Variants in MMP26 observed in about 807,000 individuals in gnomAD.
MMP26 encodes matrix metallopeptidase 26, also known as matrix metalloproteinase-26.
A neutral mutation model predicts 31.0 loss-of-function variants in MMP26; 33 were observed. The observed-to-expected ratio is 1.06, with a 90% CI of 0.81 to 1.42. MMP26 has a LOEUF of 1.42. Among genes scored for constraint, MMP26 ranks in the 40% most tolerant of loss-of-function variants. MMP26 has a pLI of 0.00. For missense variants in MMP26, 347 were observed against 316.1 expected, an observed-to-expected ratio of 1.10 and a Z score of -0.74; for synonymous variants, 122 against 114.9, an observed-to-expected ratio of 1.06 and a Z score of -0.40.
chr11:4,712,857 T>C (rs1847879471), intron 1 of MMP26, among the ~76,000 whole-genome samples: 1 of 152,026 alleles, frequency 6.6e-6, no homozygotes, highest in Non-Finnish European at 1.5e-5. Flanking sequence ...CCCTACTATC[T>C]ATGTTACACT....
intron 2 of MMP26, among the ~76,000 whole-genome samples, chr11:4,986,243 A>G (rs1846884820): frequency 6.6e-6 from 1 of 152,178 alleles, no homozygotes; most frequent in South Asian, 2.1e-4. Flanking sequence ...ATTTTAATCT[A>G]TACCAAAGGT....
At chr11:4,855,183 T>C (rs1157136146) in intron 2 of MMP26, among the ~76,000 whole-genome samples, 2 of 152,090 alleles carry the variant, frequency 1.3e-5, no homozygotes, top group East Asian at 3.9e-4. Context: ...ACACAGCTCC[T>C]CACCAGCAGT....
chr11:4,723,280 C>A, intron 1 of MMP26: 2 of 1,041,812 alleles, frequency 1.9e-6, no homozygotes, highest in South Asian at 1.3e-5. Flanking sequence ...CAGTCTTGTG[C>A]GCTGCGGGTC....
chr11:4,723,879 G>C (rs546879620), intron 1 of MMP26: 1 of 1,216,672 alleles, frequency 8.2e-7, no homozygotes, highest in African/African-American at 1.5e-5. Context: ...ACTAGCTGTT[G>C]AGGGTCTTGA....
chr11:4,798,731 A>G (rs989384700), intron 2 of MMP26, among the ~76,000 whole-genome samples: 5 of 152,236 alleles, frequency 3.3e-5, no homozygotes, highest in Admixed American at 2.0e-4. Flanking sequence ...GATGGGTTCT[A>G]AGGAAGAGAT....
At chr11:4,841,654 C>T (rs1044130366) in intron 2 of MMP26, among the ~76,000 whole-genome samples, 15 of 152,264 alleles carry the variant, frequency 9.9e-5, no homozygotes, top group Middle Eastern at 3.4e-3. Context: ...AATGCTAGCC[C>T]GAGCATGGCG....
rs372549036 is a variant in MMP26, at chr11:4,854,293, C to T, written c.-145+86952C>T. On this transcript the variant is annotated intron_variant, in intron 2 of 7. Transcript: ENST00000380390. ...GCCTCACCTGGGAAGTGCAAGGGGTCAGGGAATTCCCTTTCCTAGCCAAGG... is the reference window on the plus strand; with the variant it reads ...GCCTCACCTGGGAAGTGCAAGGGGTTAGGGAATTCCCTTTCCTAGCCAAGG... Among the ~76,000 whole-genome samples, 89 of 152,328 alleles carry T rather than the reference C, an allele frequency of 5.8e-4. 1 individual carries two copies. Among genetic ancestry groups the T allele is most frequent in the African/African-American group, 2.0e-3 (85 of 41,578 alleles).
At chr11:4,819,565 G>GTTTTT (rs1491575423) in intron 2 of MMP26, among the ~76,000 whole-genome samples, 1 of 83,726 alleles carries the variant, frequency 1.2e-5, no homozygotes. Context: ...TGAGTCGACT[G>GTTTTT]ATTTTTTTTT....
At chr11:4,931,435 C>T (rs996621476) in intron 2 of MMP26, among the ~76,000 whole-genome samples, 3 of 151,686 alleles carry the variant, frequency 2.0e-5, no homozygotes, top group Non-Finnish European at 2.9e-5. Flanking sequence ...AGAAGAGGAA[C>T]AAAGAGCCAA....
chr11:4,933,305 C>T (rs1042513461), intron 2 of MMP26, among the ~76,000 whole-genome samples: 2 of 151,958 alleles, frequency 1.3e-5, no homozygotes, highest in African/African-American at 2.4e-5. Context: ...TCGATGTGCT[C>T]GCAACCGGTA....
intron 2 of MMP26, among the ~76,000 whole-genome samples, chr11:4,953,787 C>G (rs1482905962): frequency 8.0e-6 from 1 of 125,262 alleles, no homozygotes; most frequent in Non-Finnish European, 1.8e-5. Context: ...CGTGTTGGCT[C>G]ACGCCTGTAA....
At chr11:4,904,041 C>A (rs954333261) in intron 2 of MMP26, among the ~76,000 whole-genome samples, 6 of 151,902 alleles carry the variant, frequency 3.9e-5, no homozygotes, top group African/African-American at 1.2e-4. Flanking sequence ...TAAAAGCAAG[C>A]CTTATTGTCA....
chr11:4,847,039 C>G (rs916357964), intron 2 of MMP26, among the ~76,000 whole-genome samples: 1 of 152,138 alleles, frequency 6.6e-6, no homozygotes, highest in Non-Finnish European at 1.5e-5. Context: ...GCACCATGTA[C>G]CTCCTTCTGG....
chr11:4,848,817 GC>G (rs775254222), intron 2 of MMP26: 94 of 1,613,978 alleles, frequency 5.8e-5, no homozygotes, highest in Non-Finnish European at 7.5e-5. Context: ...GATGGCCAGT[GC>G]CCGATCAATG....
chr11:4,964,477 G>A (rs1846563552), intron 2 of MMP26, among the ~76,000 whole-genome samples: 3 of 152,096 alleles, frequency 2.0e-5, no homozygotes, highest in Non-Finnish European at 4.4e-5. Flanking sequence ...TTATGTGTCT[G>A]TTCTTGTACC....
chr11:4,912,696 C>T (rs1851009651), intron 2 of MMP26: 2 of 152,140 alleles, frequency 1.3e-5, no homozygotes, highest in Non-Finnish European at 1.5e-5. Context: ...ATTATGGGAT[C>T]TGAGTTACGT....
Position 4,769,340 on chromosome 11 carries a change from T to A in MMP26, c.-145+1999T>A, listed in dbSNP as rs1248912621. ...TCCACAGATGCTATTTGCCCGAATG[T>A]CTGAACATGCTAATTGAATCACATC... On this transcript the variant is annotated intron_variant, in intron 2 of 7. Coordinates refer to ENST00000380390, the MANE Select transcript of MMP26 (RefSeq NM_021801.5). 10 of 1,613,696 alleles carry A rather than the reference T, an allele frequency of 6.2e-6. No individual in the cohort carries two copies. The Admixed American group carries it at 1.2e-4, about 19-fold the overall frequency.
chr11:4,815,818 T>C (rs1849413073), intron 2 of MMP26, among the ~76,000 whole-genome samples: 1 of 152,182 alleles, frequency 6.6e-6, no homozygotes. Context: ...GCACAAAATA[T>C]GGCCTCAGAC....
chr11:4,987,406 G>GT (rs1846917987), intron 2 of MMP26, among the ~76,000 whole-genome samples: 1 of 142,360 alleles, frequency 7.0e-6, no homozygotes, highest in Admixed American at 6.8e-5. Context: ...TGTTTTTTGT[G>GT]GTTTTTTTTT....
Sources: allele counts gnomAD v4.1 joint callset (sites outside exome capture counted in the v4.1 genomes callset), GRCh38; gene constraint gnomAD v4.1.1; transcripts MANE v1.5; gene names NCBI Gene and HGNC (gene_info 2026-07-23, HGNC 2026-07-21).